The following DLGAP1 variants were observed in gnomAD, a reference collection of about 807,000 sequenced individuals.
The protein encoded by DLGAP1 is DLG associated protein 1, also known as disks large-associated protein 1.
In DLGAP1, 11 loss-of-function variants were observed where a neutral mutation model predicts 90.8. The ratio of observed to expected loss-of-function variants is 0.12; its 90% CI spans 0.08 to 0.20. The LOEUF (loss-of-function observed/expected upper bound fraction) is 0.20, where lower values mean the gene tolerates loss of function less well. Ranked by LOEUF, DLGAP1 falls within the 10% of genes least tolerant of loss-of-function variation. The pLI, the probability that DLGAP1 is intolerant of heterozygous loss-of-function variation, is 1.00. For synonymous variants in DLGAP1, 558 were observed against 540.7 expected (o/e 1.03, Z -0.44); for missense variants, 1,050 against 1,333.8 (o/e 0.79, Z 3.31).
At chr18:3,920,421 G>C (rs1395449041) in intron 3 of DLGAP1, among the ~76,000 whole-genome samples, 1 of 150,874 alleles carries the variant, frequency 6.6e-6, no homozygotes, top group African/African-American at 2.4e-5. Flanking sequence ...TATATACCAG[G>C]TTACCATTAG....
intron 1 of DLGAP1, among the ~76,000 whole-genome samples, chr18:4,441,305 G>A (rs1235301225): frequency 6.6e-6 from 1 of 152,192 alleles, no homozygotes; most frequent in Non-Finnish European, 1.5e-5. Flanking sequence ...AGGGCAAGCA[G>A]ATGGTCACAC....
intron 1 of DLGAP1, among the ~76,000 whole-genome samples, chr18:4,345,247 CACTA>C (rs912319832): frequency 1.3e-5 from 2 of 152,150 alleles, no homozygotes; most frequent in African/African-American, 2.4e-5. Context: ...GGATTCCCTA[CACTA>C]ACTATTCCTA....
intron 1 of DLGAP1, among the ~76,000 whole-genome samples, chr18:4,432,273 G>T (rs1286950943): frequency 6.6e-6 from 1 of 152,098 alleles, no homozygotes; most frequent in African/African-American, 2.4e-5. Context: ...TTAGAAGTAA[G>T]GAGCTGAAGG....
chr18:4,381,193 T>C (rs2082108869), intron 1 of DLGAP1, among the ~76,000 whole-genome samples: 1 of 152,204 alleles, frequency 6.6e-6, no homozygotes, highest in South Asian at 2.1e-4. Context: ...GCCTAGAAGT[T>C]TGACTTTGTA....
chr18:4,317,194 T>C (rs927611324), intron 1 of DLGAP1, among the ~76,000 whole-genome samples: 19 of 152,230 alleles, frequency 1.2e-4, no homozygotes, highest in Non-Finnish European at 2.1e-4. Context: ...CTGATGACCT[T>C]AGATTCCTCA....
intron 7 of DLGAP1, among the ~76,000 whole-genome samples, chr18:3,726,486 C>G (rs2062186858): frequency 6.6e-6 from 1 of 151,464 alleles, no homozygotes; most frequent in South Asian, 2.1e-4. Flanking sequence ...AAATAGCACA[C>G]AGGAGTAGTA....
intron 1 of DLGAP1, among the ~76,000 whole-genome samples, chr18:4,408,957 T>C (rs937719050): frequency 1.3e-5 from 1 of 78,878 alleles, no homozygotes; most frequent in African/African-American, 5.3e-5. Flanking sequence ...AATGAAACCA[T>C]TATACACACA....
At chr18:4,414,674 C>T (rs1448398240) in intron 1 of DLGAP1, among the ~76,000 whole-genome samples, 12 of 148,774 alleles carry the variant, frequency 8.1e-5, no homozygotes, top group Admixed American at 7.5e-4. Flanking sequence ...TGCAGTGAGC[C>T]GAGATCAAGC....
At chr18:3,885,456 C>T (rs1229241795) in intron 3 of DLGAP1, 1 of 151,992 alleles carries the variant, frequency 6.6e-6, no homozygotes, top group Admixed American at 6.5e-5. Flanking sequence ...GACCTAGCCA[C>T]AAAAAAACAT....
At chr18:4,134,515 G>A (rs1028531386) in intron 2 of DLGAP1, among the ~76,000 whole-genome samples, 87 of 123,940 alleles carry the variant, frequency 7.0e-4, no homozygotes, top group Admixed American at 2.3e-4. Flanking sequence ...TCAAAGTCGA[G>A]GCAGAGATAA....
chr18:4,367,205 T>C (rs764560662), intron 1 of DLGAP1, among the ~76,000 whole-genome samples: 1 of 150,512 alleles, frequency 6.6e-6, no homozygotes, highest in Non-Finnish European at 1.5e-5. Context: ...TATTCAAAAG[T>C]AGCAACATAG....
At chr18:4,371,833 G>C (rs1352183460) in intron 1 of DLGAP1, among the ~76,000 whole-genome samples, 1 of 152,124 alleles carries the variant, frequency 6.6e-6, no homozygotes, top group East Asian at 1.9e-4. Context: ...ACTTAATCCT[G>C]TCCCATCACC....
chr18:3,943,720 A>C (rs2072818989), intron 3 of DLGAP1, among the ~76,000 whole-genome samples: 1 of 152,184 alleles, frequency 6.6e-6, no homozygotes, highest in Non-Finnish European at 1.5e-5. Flanking sequence ...CCAAATTCCT[A>C]AGTTGAATTC....
intron 3 of DLGAP1, among the ~76,000 whole-genome samples, chr18:4,004,414 C>T (rs1412441460): frequency 6.6e-6 from 1 of 152,096 alleles, no homozygotes; most frequent in African/African-American, 2.4e-5. Context: ...TCCCTTCTTC[C>T]CCCTTCCCTT....
At chr18:4,048,185 T>A (rs1436161648) in intron 2 of DLGAP1, among the ~76,000 whole-genome samples, 1 of 152,178 alleles carries the variant, frequency 6.6e-6, no homozygotes, top group Non-Finnish European at 1.5e-5. Flanking sequence ...AAAAACAAAT[T>A]AAATGTAGAA....
intron 7 of DLGAP1, among the ~76,000 whole-genome samples, chr18:3,720,888 C>T (rs867036894): frequency 2.0e-4 from 10 of 50,312 alleles, no homozygotes; most frequent in Admixed American, 2.9e-4. Context: ...CTTGTCTCTA[C>T]AAAAAAAAAA....
intron 4 of DLGAP1, among the ~76,000 whole-genome samples, chr18:3,844,570 T>C (rs960698203): frequency 2.0e-5 from 3 of 152,194 alleles, no homozygotes; most frequent in African/African-American, 7.2e-5. Flanking sequence ...TCTAATTCCA[T>C]AAACTTAGTG....
chr18:4,353,020 T>C (rs1476932721), intron 1 of DLGAP1, among the ~76,000 whole-genome samples: 1 of 152,142 alleles, frequency 6.6e-6, no homozygotes, highest in East Asian at 1.9e-4. Flanking sequence ...TGTAGTCAAG[T>C]ACAGTTATCA....
intron 5 of DLGAP1, among the ~76,000 whole-genome samples, chr18:3,783,646 C>G (rs1449420506): frequency 6.6e-6 from 1 of 152,052 alleles, no homozygotes; most frequent in Non-Finnish European, 1.5e-5. Flanking sequence ...GCATGACTAC[C>G]AATAGGCATG....
Sources: gnomAD v4.1 joint callset for allele counts (sites outside exome capture counted in the v4.1 genomes callset) on GRCh38, gnomAD v4.1.1 for gene constraint, MANE v1.5 for transcripts, NCBI Gene and HGNC (gene_info 2026-07-23, HGNC 2026-07-21) for gene names.